Variants in PCDHGA3 observed in about 807,000 individuals in gnomAD.
PCDHGA3 encodes the protein protocadherin gamma subfamily A, 3.
In PCDHGA3, 40 loss-of-function variants were observed where a neutral mutation model predicts 58.5. The observed-to-expected ratio is 0.68, with a 90% CI of 0.53 to 0.89. The LOEUF (loss-of-function observed/expected upper bound fraction) is 0.89. Ranked by LOEUF, PCDHGA3 falls within the 40% of genes least tolerant of loss-of-function variation. The probability of loss-of-function intolerance (pLI) is 0.00; values close to 1 mark genes in which losing one functional copy is unlikely to be tolerated. For missense variants in PCDHGA3, 1,223 were observed against 1,195.9 expected, an observed-to-expected ratio of 1.02 and a Z score of -0.33; for synonymous variants, 530 against 525.7, an observed-to-expected ratio of 1.01 and a Z score of -0.11.
chr5:141,410,224 C>T, intron 1 of PCDHGA3: 2 of 1,614,028 alleles, frequency 1.2e-6, no homozygotes, highest in Non-Finnish European at 8.5e-7. Context: ...TACTGCCAGA[C>T]CTCAGCGACC....
chr5:141,392,745 G>A, intron 1 of PCDHGA3: 1 of 1,441,296 alleles, frequency 6.9e-7, no homozygotes, highest in African/African-American at 1.4e-5. Flanking sequence ...CCATAGCTGC[G>A]GCAAGAAACT....
chr5:141,498,509 C>T (rs2099784058), intron 2 of PCDHGA3, among the ~76,000 whole-genome samples: 1 of 151,740 alleles, frequency 6.6e-6, no homozygotes, highest in East Asian at 1.9e-4. Flanking sequence ...TCCCTCCCCA[C>T]CATCTTGCCC....
chr5:141,356,676 C>T (rs773817412), intron 1 of PCDHGA3: 16 of 1,613,838 alleles, frequency 9.9e-6, no homozygotes, highest in East Asian at 2.2e-5. Flanking sequence ...ACTCCCTGGC[C>T]GAAGACACCT....
At position 141,460,912 on chromosome 5, in the gene PCDHGA3, G is replaced by GTGTATATA. The variant is rs145509489; in HGVS notation, c.2425-33894_2425-33893insGTATATAT. ...TCGTGGCTGAGTAATATTCCATGGTGTATATATATATATGTGTGTGTGTAT... is the reference window on the plus strand; with the variant it reads ...TCGTGGCTGAGTAATATTCCATGGTGTGTATATATATATATATATATGTGTGTGTGTAT... On this transcript the variant is annotated intron_variant, in intron 1 of 3. Transcript: ENST00000253812. Among the ~76,000 whole-genome samples the GTGTATATA allele has an allele frequency of 5.0e-3, 740 of 149,316 alleles. 4 individuals are homozygous for GTGTATATA. The highest frequency in any genetic ancestry group is 0.015 in the African/African-American group (617 of 40,618).
chr5:141,356,569 T>C, intron 1 of PCDHGA3: 1 of 1,614,170 alleles, frequency 6.2e-7, no homozygotes, highest in Non-Finnish European at 8.5e-7. Flanking sequence ...TCATGCTTCC[T>C]ACTCTGCTTA....
intron 1 of PCDHGA3, among the ~76,000 whole-genome samples, chr5:141,425,402 A>C (rs1288785443): frequency 6.6e-6 from 1 of 152,222 alleles, no homozygotes; most frequent in Non-Finnish European, 1.5e-5. Flanking sequence ...AAGTTCTGTT[A>C]AGGTATAACA....
chr5:141,355,111 C>T, intron 1 of PCDHGA3: 1 of 1,508,846 alleles, frequency 6.6e-7, no homozygotes, highest in Non-Finnish European at 8.8e-7. Flanking sequence ...GCTGTGAATG[C>T]ACTTTATTTT....
intron 1 of PCDHGA3, chr5:141,357,273 C>G (rs111314276): frequency 3.1e-6 from 5 of 1,613,852 alleles, no homozygotes; most frequent in African/African-American, 2.7e-5. Context: ...GCCTCACACT[C>G]TATCTCGTGG....
chr5:141,396,943 G>A (rs1388753275), intron 1 of PCDHGA3, among the ~76,000 whole-genome samples: 6 of 152,178 alleles, frequency 3.9e-5, no homozygotes, highest in African/African-American at 1.2e-4. Flanking sequence ...TGCCCTGGTA[G>A]GAAAGAAAAT....
chr5:141,376,032 G>T (rs751769680), intron 1 of PCDHGA3: 3 of 1,613,116 alleles, frequency 1.9e-6, no homozygotes, highest in East Asian at 4.5e-5. Context: ...CAGGACCACG[G>T]CCAGCCCCCT....
chr5:141,415,325 C>A (rs1046074461), intron 1 of PCDHGA3: 2 of 1,614,094 alleles, frequency 1.2e-6, no homozygotes, highest in Non-Finnish European at 1.7e-6. Context: ...GTGCTGCTGG[C>A]GCACAGGCTG....
At chr5:141,438,548 C>T (rs1423036586) in intron 1 of PCDHGA3, among the ~76,000 whole-genome samples, 2 of 135,792 alleles carry the variant, frequency 1.5e-5, no homozygotes, top group Non-Finnish European at 3.1e-5. Context: ...ATATCTAAGC[C>T]CTAATAAGAG....
chr5:141,356,492 C>G, intron 1 of PCDHGA3: 4 of 1,613,984 alleles, frequency 2.5e-6, no homozygotes, highest in Non-Finnish European at 3.4e-6. Flanking sequence ...GGAACTCCTC[C>G]ACTGTCTACA....
intron 1 of PCDHGA3, chr5:141,404,943 T>C: frequency 1.2e-6 from 2 of 1,613,914 alleles, no homozygotes; most frequent in Non-Finnish European, 8.5e-7. Context: ...ACAGTAGCCA[T>C]AGCTGACAGC....
At chr5:141,368,374 T>TACACACATACAC (rs1250465847) in intron 1 of PCDHGA3, among the ~76,000 whole-genome samples, 1 of 152,022 alleles carries the variant, frequency 6.6e-6, no homozygotes, top group African/African-American at 2.4e-5. Context: ...CACATATATA[T>TACACACATACAC]ACACACATAC....
chr5:141,399,012 A>G (rs767195686), intron 1 of PCDHGA3: 7 of 1,613,946 alleles, frequency 4.3e-6, no homozygotes, highest in Admixed American at 3.3e-5. Context: ...CAAAGAGCGG[A>G]GAAATTACCA....
chr5:141,366,535 G>A (rs1463456881), intron 1 of PCDHGA3: 1 of 1,614,144 alleles, frequency 6.2e-7, no homozygotes, highest in Non-Finnish European at 8.5e-7. Flanking sequence ...TGGCGGGTGT[G>A]CCCGCCTCGC....
At chr5:141,417,690 A>T in intron 1 of PCDHGA3, 1 of 1,077,126 alleles carries the variant, frequency 9.3e-7, no homozygotes, top group East Asian at 2.6e-5. Context: ...AGAAAAGAAA[A>T]CCAGCTCCCA....
rs1011504923 is a variant in PCDHGA3, at chr5:141,408,109, C to A, written c.2424+61652C>A. ...GGATTGCCAGCTCCGAGACCCGGGA[C>A]TCCTCCTGTCCTGGGCCGAATGCTC... is the stretch of plus-strand genomic sequence containing the variant. On this transcript the variant is annotated intron_variant, in intron 1 of 3. Transcript: ENST00000253812. 6 of 1,445,662 alleles carry A rather than the reference C, an allele frequency of 4.2e-6. No homozygotes were observed. In the African/African-American group the frequency reaches 5.7e-5, roughly 14 times the overall value. 89.6% of individuals were successfully genotyped at this position (1,445,662 alleles called of 1,614,324 possible). A position where few individuals can be genotyped will look rare whatever the true frequency, so the allele number is the denominator to read the frequency against.
Sources: allele counts gnomAD v4.1 joint callset (sites outside exome capture counted in the v4.1 genomes callset), GRCh38; gene constraint gnomAD v4.1.1; transcripts MANE v1.5; gene names NCBI Gene and HGNC (gene_info 2026-07-23, HGNC 2026-07-21).